The following LRP1B variants were observed in gnomAD, a reference collection of about 807,000 sequenced individuals.
LRP1B encodes LDL receptor related protein 1B.
In LRP1B, 217 loss-of-function variants were observed where a neutral mutation model predicts 556.6. The ratio of observed to expected loss-of-function variants is 0.39; its 90% CI spans 0.35 to 0.44. The LOEUF is 0.44. LRP1B is among the 20% of genes least tolerant of loss of function. The pLI is 1.00. For synonymous variants in LRP1B, 2,047 were observed against 1,865.8 expected (o/e 1.10, Z -2.50); for missense variants, 5,053 against 5,620.8 (o/e 0.90, Z 3.23).
At chr2:140,327,955 C>T (rs1021691455) in intron 79 of LRP1B, among the ~76,000 whole-genome samples, 2 of 139,726 alleles carry the variant, frequency 1.4e-5, no homozygotes, top group Non-Finnish European at 3.2e-5. Context: ...TTTTGATTTT[C>T]TATTAAGCCC....
At chr2:141,081,541 G>A (rs1215844142) in intron 7 of LRP1B, among the ~76,000 whole-genome samples, 1 of 152,132 alleles carries the variant, frequency 6.6e-6, no homozygotes, top group African/African-American at 2.4e-5. Context: ...GGCAATAAAG[G>A]TAATTTTATA....
chr2:140,989,447 T>G, intron 17 of LRP1B, 85 bp downstream of exon 17: 1 of 1,478,894 alleles, frequency 6.8e-7, no homozygotes, highest in Non-Finnish European at 9.3e-7. Flanking sequence ...CTAGGAAAGT[T>G]CAGCTTAGTT....
intron 2 of LRP1B, among the ~76,000 whole-genome samples, chr2:141,508,768 G>A (rs1183351231): frequency 6.6e-6 from 1 of 152,024 alleles, no homozygotes; most frequent in African/African-American, 2.4e-5. Context: ...TATTTTTAGA[G>A]CTCAAGTAGA....
intron 2 of LRP1B, among the ~76,000 whole-genome samples, chr2:141,587,579 T>C (rs1025425564): frequency 6.6e-6 from 1 of 152,176 alleles, no homozygotes. Flanking sequence ...GTGAATAATA[T>C]GCAAAATTCC....
intron 18 of LRP1B, among the ~76,000 whole-genome samples, chr2:140,966,669 G>A (rs1317285016): frequency 1.3e-5 from 2 of 152,120 alleles, no homozygotes; most frequent in East Asian, 1.9e-4. Flanking sequence ...AGTTTTTATG[G>A]TTTTAAGTCT....
At position 140,645,602 on chromosome 2, in the gene LRP1B, C is replaced by A. The variant is rs550400575; in HGVS notation, c.6800-43963G>T. Among the ~76,000 whole-genome samples the A allele has an allele frequency of 4.7e-4, 64 of 137,630 alleles. 1 individual carries two copies. In the Middle Eastern group the frequency reaches 0.013, roughly 29 times the overall value. The allele number at this position is 137,630 out of a possible 152,430, so 90.3% of individuals were successfully genotyped here. On this transcript the variant is annotated intron_variant, in intron 41 of 90. Transcript: ENST00000389484. ...TCGCCCAGGCTGGAGTGCAGTGACA[C>A]GATCTCCGCTCACTGCAAGCTCCGC... is the stretch of plus-strand genomic sequence containing the variant.
intron 1 of LRP1B, among the ~76,000 whole-genome samples, chr2:141,826,480 C>T (rs1003864531): frequency 6.6e-6 from 1 of 151,484 alleles, no homozygotes; most frequent in Admixed American, 6.6e-5. Flanking sequence ...CTGCCTCAGC[C>T]TCCGGAGTAG....
intron 7 of LRP1B, among the ~76,000 whole-genome samples, chr2:141,139,785 G>A (rs1195726928): frequency 4.8e-5 from 1 of 21,004 alleles, no homozygotes; most frequent in Non-Finnish European, 9.9e-5. Flanking sequence ...GGAAAAATGT[G>A]TGTGTGTGTG....
chr2:141,315,520 A>T (rs1293900727), intron 3 of LRP1B, among the ~76,000 whole-genome samples: 4 of 151,738 alleles, frequency 2.6e-5, no homozygotes, highest in Non-Finnish European at 5.9e-5. Context: ...TAGCCTCCCA[A>T]AGTGCTGGGA....
chr2:140,280,793 G>C (rs958605755), intron 84 of LRP1B, among the ~76,000 whole-genome samples: 10 of 151,798 alleles, frequency 6.6e-5, no homozygotes, highest in African/African-American at 2.4e-4. Flanking sequence ...TAACAGACGA[G>C]ATAGTCTATA....
intron 6 of LRP1B, among the ~76,000 whole-genome samples, chr2:141,216,073 C>T (rs555298496): frequency 6.6e-6 from 1 of 152,150 alleles, no homozygotes; most frequent in Non-Finnish European, 1.5e-5. Context: ...CCTTTCATCA[C>T]ATGCCTAGAG....
At chr2:141,239,570 G>C (rs1206927896) in intron 5 of LRP1B, among the ~76,000 whole-genome samples, 1 of 152,078 alleles carries the variant, frequency 6.6e-6, no homozygotes. Context: ...CCTCGAACAG[G>C]TGAGAGAAGA....
At chr2:140,783,149 AC>A (rs1689760228) in intron 32 of LRP1B, among the ~76,000 whole-genome samples, 1 of 152,186 alleles carries the variant, frequency 6.6e-6, no homozygotes, top group African/African-American at 2.4e-5. Flanking sequence ...TATAATTATT[AC>A]ATTTTTTATA....
chr2:141,179,912 G>A (rs1286779435), intron 7 of LRP1B, among the ~76,000 whole-genome samples: 2 of 125,682 alleles, frequency 1.6e-5, no homozygotes, highest in African/African-American at 6.0e-5. Flanking sequence ...TTTTTTTTTG[G>A]TTGAATGCGA....
At chr2:141,689,799 A>G (rs1691448547) in intron 2 of LRP1B, among the ~76,000 whole-genome samples, 1 of 151,828 alleles carries the variant, frequency 6.6e-6, no homozygotes, top group South Asian at 2.1e-4. Flanking sequence ...CTATTTTAGG[A>G]TAGAATAAAC....
At chr2:141,149,335 C>G (rs1435937138) in intron 7 of LRP1B, among the ~76,000 whole-genome samples, 1 of 152,036 alleles carries the variant, frequency 6.6e-6, no homozygotes, top group African/African-American at 2.4e-5. Flanking sequence ...CTAAATTTCT[C>G]TAGACTCTGG....
intron 43 of LRP1B, among the ~76,000 whole-genome samples, chr2:140,567,192 G>A (rs1274884565): frequency 6.6e-6 from 1 of 152,028 alleles, no homozygotes; most frequent in Non-Finnish European, 1.5e-5. Flanking sequence ...TTCTCTCTGG[G>A]AAGTACAATT....
chr2:141,747,766 A>C (rs1693966695), intron 2 of LRP1B, among the ~76,000 whole-genome samples: 1 of 152,198 alleles, frequency 6.6e-6, no homozygotes, highest in South Asian at 2.1e-4. Flanking sequence ...GAATTTTCTA[A>C]ATTCTCCTTA....
intron 79 of LRP1B, among the ~76,000 whole-genome samples, chr2:140,328,056 G>A (rs1210781590): frequency 6.6e-6 from 1 of 151,842 alleles, no homozygotes; most frequent in Non-Finnish European, 1.5e-5. Context: ...AAGTTTATAT[G>A]AAAAAAGTTC....
Sources: allele counts gnomAD v4.1 joint callset (sites outside exome capture counted in the v4.1 genomes callset), GRCh38; gene constraint gnomAD v4.1.1; transcripts MANE v1.5; gene names NCBI Gene and HGNC (gene_info 2026-07-23, HGNC 2026-07-21).